PCLO: variants seen among roughly 807,000 people sequenced by gnomAD.
PCLO encodes the protein piccolo presynaptic cytomatrix protein.
Under a neutral mutation model 427.5 loss-of-function variants are expected in PCLO, and 82 were observed. That is an observed-to-expected ratio of 0.19 (90% CI 0.16 to 0.23). The LOEUF (loss-of-function observed/expected upper bound fraction) is 0.23, where lower values mean the gene tolerates loss of function less well. PCLO is among the 10% of genes least tolerant of loss of function. The probability of loss-of-function intolerance (pLI) is 1.00; values close to 1 mark genes in which losing one functional copy is unlikely to be tolerated. For missense variants in PCLO, 6,239 were observed against 6,115.9 expected (o/e 1.02, Z -0.67); for synonymous variants, 2,357 against 2,155.4 (o/e 1.09, Z -2.59).
At chr7:83,158,355 T>C (rs979683646) in intron 1 of PCLO, among the ~76,000 whole-genome samples, 1 of 152,002 alleles carries the variant, frequency 6.6e-6, no homozygotes, top group African/African-American at 2.4e-5. Flanking sequence ...ACCTTGACAT[T>C]ATTCTATAAA....
chr7:82,898,506 T>C (rs1793961808), intron 9 of PCLO, among the ~76,000 whole-genome samples: 1 of 151,460 alleles, frequency 6.6e-6, no homozygotes, highest in African/African-American at 2.4e-5. Flanking sequence ...ATTAAAATAT[T>C]ATAAAAGATT....
intron 2 of PCLO, among the ~76,000 whole-genome samples, chr7:83,145,689 T>C (rs1225960302): frequency 6.6e-6 from 1 of 152,202 alleles, no homozygotes; most frequent in African/African-American, 2.4e-5. Context: ...TTAGTAGTGG[T>C]AATAGTAATA....
chr7:82,942,831 T>C lies in PCLO; in HGVS notation c.11112+6645A>G, dbSNP rs575164639. ...GGTAAGAGCTATAGAAAGATGAGGCTTCTATTATTTACAAAGCTAATCTTT... is the reference window on the plus strand; with the variant it reads ...GGTAAGAGCTATAGAAAGATGAGGCCTCTATTATTTACAAAGCTAATCTTT... On this transcript the variant is annotated intron_variant, in intron 6 of 24. Transcript: ENST00000333891. 9.2e-5 allele frequency among the ~76,000 whole-genome samples: 14 copies of C among 152,172 alleles called. 1 individual carries two copies. Among genetic ancestry groups the C allele is most frequent in the African/African-American group, 3.1e-4 (13 of 41,560 alleles).
At chr7:82,793,863 AAT>A (rs1207117831) in intron 22 of PCLO, among the ~76,000 whole-genome samples, 4 of 152,106 alleles carry the variant, frequency 2.6e-5, no homozygotes, top group Admixed American at 6.6e-5. Context: ...CTATGTGGTT[AAT>A]TCGCTATTTT....
At chr7:82,869,977 T>A (rs548086832) in intron 10 of PCLO, among the ~76,000 whole-genome samples, 1 of 152,074 alleles carries the variant, frequency 6.6e-6, no homozygotes. Flanking sequence ...TGTTCATGGA[T>A]TGAAAAAATT....
chr7:83,076,717 C>T lies in PCLO; in HGVS notation c.3300+57533G>A, dbSNP rs570236801. 5.8e-4 allele frequency among the ~76,000 whole-genome samples: 85 copies of T among 147,640 alleles called. No homozygotes were observed. The South Asian group carries it at 8.6e-3, about 15-fold the overall frequency. ...ATGTTAGTTACATATTTTCCTTTGG[C>T]CAAAACCAAACAAAAAAGCAAATAA... On this transcript the variant is annotated intron_variant, in intron 3 of 24. Coordinates refer to ENST00000333891, the MANE Select transcript of PCLO (RefSeq NM_033026.6).
intron 3 of PCLO, among the ~76,000 whole-genome samples, chr7:82,969,990 T>G (rs1795865150): frequency 6.6e-6 from 1 of 152,094 alleles, no homozygotes; most frequent in Admixed American, 6.6e-5. Context: ...TGAAAATATC[T>G]ATTCAGATTC....
chr7:83,022,456 T>G (rs1275395792), intron 3 of PCLO, among the ~76,000 whole-genome samples: 1 of 152,090 alleles, frequency 6.6e-6, no homozygotes, highest in African/African-American at 2.4e-5. Context: ...TTTTAAAGGA[T>G]CAAAAAATAC....
In PCLO at chr7:82,773,566, A is replaced by C. The variant is rs369291459; in HGVS notation, c.15008-12073T>G. Among the ~76,000 whole-genome samples the C allele has an allele frequency of 2.1e-4, 32 of 152,298 alleles. No individual in the cohort carries two copies. The East Asian group carries it at 3.3e-3, about 16-fold the overall frequency. On this transcript the variant is annotated intron_variant, in intron 22 of 24. Coordinates refer to ENST00000333891, the MANE Select transcript of PCLO (RefSeq NM_033026.6). Reference sequence around the variant, plus strand: ...CTGGTTTTATGCTTTCTTCAGAAGCAACATAAAGGAATATTTTACTGTTCC... The same window carrying C: ...CTGGTTTTATGCTTTCTTCAGAAGCCACATAAAGGAATATTTTACTGTTCC...
Position 82,761,381 on chromosome 7 carries a change from A to T in PCLO, c.15120T>A (p.Phe5040Leu). 1 of 1,504,130 alleles carries T rather than the reference A, an allele frequency of 6.6e-7. No homozygotes were observed. The highest frequency in any genetic ancestry group is 1.2e-5 in the South Asian group (1 of 84,718). The allele number at this position is 1,504,130 out of a possible 1,614,324, so 93.2% of individuals were successfully genotyped here. ...ILQCRNITYK[F>L]KSPDHLPDLY... ...TACCTGGTAGATGATCAGGAGACTTAAATTTGTATGTAATATTTCTGCATT... is the reference window on the plus strand; with the variant it reads ...TACCTGGTAGATGATCAGGAGACTTTAATTTGTATGTAATATTTCTGCATT... The change falls in exon 23 of 25, where the codon TTT (phenylalanine) becomes TTA (leucine). Residue 5040 changes from phenylalanine to leucine, a missense_variant. Phe to Leu is a conservative substitution (Grantham distance 22). Around this residue, in one of 5 missense-constraint regions of PCLO, gnomAD observed 877 missense variants for 925.5 expected, o/e 0.95. Transcript: ENST00000333891.
chr7:83,089,199 A>T (rs1393467792), intron 3 of PCLO, among the ~76,000 whole-genome samples: 1 of 152,048 alleles, frequency 6.6e-6, no homozygotes, highest in Non-Finnish European at 1.5e-5. Flanking sequence ...TGTTTTAATT[A>T]AAGGTTAGTA....
At chr7:83,008,794 A>G (rs1297978972) in intron 3 of PCLO, among the ~76,000 whole-genome samples, 1 of 151,760 alleles carries the variant, frequency 6.6e-6, no homozygotes, top group Non-Finnish European at 1.5e-5. Context: ...ATTGGTATAC[A>G]TAGACAAAAA....
chr7:82,896,224 T>C (rs1415893610), intron 9 of PCLO, among the ~76,000 whole-genome samples: 1 of 151,830 alleles, frequency 6.6e-6, no homozygotes, highest in Non-Finnish European at 1.5e-5. Flanking sequence ...CTAAAACATG[T>C]ATGCAAATAT....
intron 3 of PCLO, among the ~76,000 whole-genome samples, chr7:83,031,530 C>T (rs1788664459): frequency 6.6e-6 from 1 of 152,014 alleles, no homozygotes; most frequent in Non-Finnish European, 1.5e-5. Context: ...GATAAAATAC[C>T]ATGTTACACA....
intron 3 of PCLO, among the ~76,000 whole-genome samples, chr7:83,101,343 A>G (rs1790734004): frequency 6.6e-6 from 1 of 152,100 alleles, no homozygotes; most frequent in Non-Finnish European, 1.5e-5. Context: ...TATTTTACCT[A>G]GAAATGGATA....
chr7:83,156,849 C>T (rs1021462371), intron 1 of PCLO, among the ~76,000 whole-genome samples: 1 of 151,862 alleles, frequency 6.6e-6, no homozygotes, highest in Non-Finnish European at 1.5e-5. Context: ...AGAAAGTCTT[C>T]CAAATGCTAG....
chr7:83,143,853 T>C (rs1791928517), intron 2 of PCLO, among the ~76,000 whole-genome samples: 1 of 152,190 alleles, frequency 6.6e-6, no homozygotes, highest in South Asian at 2.1e-4. Flanking sequence ...CTCAGTTGAT[T>C]AACACACACC....
chr7:82,845,378 C>T lies in PCLO; in HGVS notation c.13939G>A (p.Gly4647Arg). Residue 4647 changes from glycine (G) to arginine (R), a missense_variant, in exon 13 of 25, where the codon GGA becomes AGA. Coordinates refer to ENST00000333891, the MANE Select transcript of PCLO (RefSeq NM_033026.6). Reference protein sequence around the residue: ...PLVLSSVVEKGSHVHSGPTSA... With the variant: ...PLVLSSVVEKRSHVHSGPTSA... ...GTAGGACCTGAATGAACATGAGATC[C>T]TTTTTCAACAACTGATGACAGAACC... The T allele has an allele frequency of 6.2e-7, 1 of 1,613,328 alleles. No individual in the cohort carries two copies. The highest frequency in any genetic ancestry group is 8.5e-7 in the Non-Finnish European group (1 of 1,179,608).
At chr7:83,021,597 C>T (rs1788344795) in intron 3 of PCLO, among the ~76,000 whole-genome samples, 2 of 152,106 alleles carry the variant, frequency 1.3e-5, no homozygotes, top group African/African-American at 4.8e-5. Flanking sequence ...TTCCTTTCTT[C>T]CTTTCTCCCA....
Sources: gnomAD v4.1 joint callset for allele counts (sites outside exome capture counted in the v4.1 genomes callset) on GRCh38, gnomAD v4.1.1 for gene constraint, gnomAD v4.1.1 regional missense constraint, MANE v1.5 for transcripts, NCBI Gene and HGNC (gene_info 2026-07-23, HGNC 2026-07-21) for gene names.